HEG1: variants seen among roughly 807,000 people sequenced by gnomAD.
HEG1 encodes the protein protein HEG homolog 1.
Under a neutral mutation model 125.6 loss-of-function variants are expected in HEG1, and 56 were observed. The observed-to-expected ratio is 0.45, with a 90% CI of 0.36 to 0.56. The LOEUF (loss-of-function observed/expected upper bound fraction) is 0.56. Among genes scored for constraint, HEG1 ranks in the 20% least tolerant of loss-of-function variants. The pLI is 0.00. For missense variants in HEG1, 1,523 were observed against 1,670.0 expected (o/e 0.91, Z 1.53); for synonymous variants, 644 against 668.5 (o/e 0.96, Z 0.57).
At chr3:124,973,699 C>T (rs1414174242) in intron 16 of HEG1, 32 bp downstream of exon 16, 2 of 1,572,510 alleles carry the variant, frequency 1.3e-6, no homozygotes, top group East Asian at 4.5e-5. Context: ...GAACCGGGGG[C>T]CCTGGGGTCA....
At chr3:124,975,092 C>T (rs1936510887) in intron 15 of HEG1, among the ~76,000 whole-genome samples, 1 of 152,172 alleles carries the variant, frequency 6.6e-6, no homozygotes, top group Non-Finnish European at 1.5e-5. Flanking sequence ...TATTTCCACT[C>T]ATATGGTTTA....
intron 1 of HEG1, among the ~76,000 whole-genome samples, chr3:125,038,118 C>G (rs1370260389): frequency 6.6e-6 from 1 of 152,198 alleles, no homozygotes; most frequent in Non-Finnish European, 1.5e-5. Context: ...GCTCAGTGTC[C>G]TAACCCTTCT....
intron 1 of HEG1, among the ~76,000 whole-genome samples, chr3:125,048,876 C>T (rs901345619): frequency 6.6e-5 from 10 of 152,072 alleles, no homozygotes; most frequent in African/African-American, 2.4e-4. Context: ...AAAAGAATCA[C>T]GGTAGTGGGT....
intron 11 of HEG1, among the ~76,000 whole-genome samples, chr3:124,998,257 G>T (rs1420632089): frequency 1.3e-5 from 2 of 152,210 alleles, no homozygotes; most frequent in Non-Finnish European, 2.9e-5. Flanking sequence ...GAACAGGAGT[G>T]CAGGCCAGAC....
At chr3:125,031,469 C>T (rs961979655) in intron 1 of HEG1, among the ~76,000 whole-genome samples, 6 of 152,126 alleles carry the variant, frequency 3.9e-5, no homozygotes, top group African/African-American at 1.4e-4. Flanking sequence ...CTGATAAAAC[C>T]ATTTAATTTT....
intron 3 of HEG1, among the ~76,000 whole-genome samples, chr3:125,026,813 A>G (rs1937421942): frequency 6.6e-6 from 1 of 152,152 alleles, no homozygotes; most frequent in Non-Finnish European, 1.5e-5. Flanking sequence ...CAGCCTGGCC[A>G]ACATGCTGAA....
intron 1 of HEG1, among the ~76,000 whole-genome samples, chr3:125,052,529 T>C (rs899951252): frequency 2.0e-5 from 3 of 152,198 alleles, no homozygotes; most frequent in African/African-American, 7.2e-5. Context: ...TGATTTTCAT[T>C]ATGATTTAAG....
At position 125,027,208 on chromosome 3, in the gene HEG1, AGGAAAGGTCTAAGAGAGG is replaced by A. The variant is rs1268283756; in HGVS notation, c.892_909del (p.Pro298_Ser303del). 2 of 1,594,238 alleles carry A rather than the reference AGGAAAGGTCTAAGAGAGG, an allele frequency of 1.3e-6. No homozygotes were observed. The highest frequency in any genetic ancestry group is 2.7e-5 in the African/African-American group (2 of 74,342). Reference sequence around the variant, plus strand: ...AAGCTGGGTATGTGGCACTCACATGAGGAAAGGTCTAAGAGAGGAGAGGAAGCTGCTGTCCTGTAGAAA... The same window carrying A: ...AAGCTGGGTATGTGGCACTCACATGAAGAGGAAGCTGCTGTCCTGTAGAAA... On this transcript the variant is annotated inframe_deletion, in exon 3 of 17. Transcript: ENST00000311127.
Position 125,013,974 on chromosome 3 carries a change from GTAGCTAATCCCA to G in HEG1, c.1593_1604del (p.Ile533_Gly536del). On this transcript the variant is annotated inframe_deletion, in exon 6 of 17. Transcript: ENST00000311127. ...CAATAGCTGTGCCACGCACTTGACC[GTAGCTAATCCCA>G]GCGACTGTAAACGGAAAAGCCAAAG... 1.2e-6 allele frequency: 2 copies of G among 1,604,236 alleles called. No homozygotes were observed. Among genetic ancestry groups the G allele is most frequent in the Non-Finnish European group, 1.7e-6 (2 of 1,176,284 alleles).
At chr3:124,981,029 G>C (rs1196560231) in intron 14 of HEG1, among the ~76,000 whole-genome samples, 1 of 151,254 alleles carries the variant, frequency 6.6e-6, no homozygotes, top group Non-Finnish European at 1.5e-5. Context: ...TGTAGGGACA[G>C]GGTATCACTA....
At chr3:124,977,814 C>A in intron 15 of HEG1, 45 bp downstream of exon 15, 1 of 1,284,854 alleles carries the variant, frequency 7.8e-7, no homozygotes, top group South Asian at 1.3e-5. Flanking sequence ...CCTTGTATAG[C>A]ACAGGCAAAG....
intron 5 of HEG1, chr3:125,014,653 G>A (rs888669470): frequency 1.7e-6 from 2 of 1,183,252 alleles, no homozygotes; most frequent in African/African-American, 1.6e-5. Flanking sequence ...CCAGGACGGT[G>A]AGTAAATTAA....
intron 1 of HEG1, among the ~76,000 whole-genome samples, chr3:125,051,677 G>A (rs959855012): frequency 7.2e-5 from 11 of 152,208 alleles, no homozygotes; most frequent in African/African-American, 2.4e-4. Flanking sequence ...GCCTCCCCAG[G>A]ATTCTTGGAA....
chr3:124,975,423 T>C (rs1936516722), intron 15 of HEG1, among the ~76,000 whole-genome samples: 1 of 152,162 alleles, frequency 6.6e-6, no homozygotes, highest in Non-Finnish European at 1.5e-5. Flanking sequence ...AGAAACCCAA[T>C]CTCAGTGGCT....
In HEG1 at chr3:124,997,690, T is replaced by C. The variant is rs779004872; in HGVS notation, c.3651A>G (p.Arg1217=). The C allele has an allele frequency of 6.4e-7, 1 of 1,566,910 alleles. No individual in the cohort carries two copies. The highest frequency in any genetic ancestry group is 8.7e-7 in the Non-Finnish European group (1 of 1,150,208). The change falls in exon 12 of 17, where the codon CGA becomes CGG. Residue 1217 remains arginine, a splice_region_variant and synonymous_variant. Transcript: ENST00000311127. ...FQFNKMDHSC[R]ACEDGYRLEN... ...AACCCCAGGCGAAGCTGTGGCTACCTCGGCAGGAGTGGTCCATCTTGTTGA... is the reference window on the plus strand; with the variant it reads ...AACCCCAGGCGAAGCTGTGGCTACCCCGGCAGGAGTGGTCCATCTTGTTGA...
At chr3:124,982,743 AC>A (rs1303790881) in intron 14 of HEG1, among the ~76,000 whole-genome samples, 1 of 151,882 alleles carries the variant, frequency 6.6e-6, no homozygotes, top group Non-Finnish European at 1.5e-5. Flanking sequence ...AAAACTGTGC[AC>A]CCCCTTCCAT....
chr3:125,010,766 A>G (rs1294993177), intron 6 of HEG1, among the ~76,000 whole-genome samples: 1 of 152,256 alleles, frequency 6.6e-6, no homozygotes, highest in Non-Finnish European at 1.5e-5. Context: ...TCTAAGTGTC[A>G]GACAATGGGA....
Position 125,019,330 on chromosome 3 carries a change from T to A in HEG1, c.1520A>T (p.Tyr507Phe), listed in dbSNP as rs1937301023. Reference protein sequence around the residue: ...GSHTALGDRSYSESSSTSSSE... With the variant: ...GSHTALGDRSFSESSSTSSSE... ...GGAAGATGTAGATGAAGACTCTGAA[T>A]AACTCCTATCTCCCAATGCTGTGTG... Residue 507 changes from tyrosine to phenylalanine, a missense_variant, in exon 5 of 17, where the codon TAT (tyrosine) becomes TTT (phenylalanine). Coordinates refer to ENST00000311127, the MANE Select transcript of HEG1 (RefSeq NM_020733.2). 1 of 1,613,966 alleles carries A rather than the reference T, an allele frequency of 6.2e-7. No homozygotes were observed. The highest frequency in any genetic ancestry group is 8.5e-7 in the Non-Finnish European group (1 of 1,179,838).
intron 3 of HEG1, 89 bp from the exon 4 acceptor site, chr3:125,021,219 T>A: frequency 1.0e-6 from 1 of 1,002,640 alleles, no homozygotes. Flanking sequence ...TTTCTTACAT[T>A]TTGGTGGATA....
Sources: gnomAD v4.1 joint callset for allele counts (sites outside exome capture counted in the v4.1 genomes callset) on GRCh38, gnomAD v4.1.1 for gene constraint, MANE v1.5 for transcripts, NCBI Gene and HGNC (gene_info 2026-07-23, HGNC 2026-07-21) for gene names.